The following VTI1A variants were observed in gnomAD, a reference collection of about 807,000 sequenced individuals.
The protein encoded by VTI1A is vesicle transport through interaction with t-SNAREs 1A, also known as vesicle transport through interaction with t-SNAREs homolog 1A.
A neutral mutation model predicts 34.9 loss-of-function variants in VTI1A; 22 were observed. The ratio of observed to expected loss-of-function variants is 0.63; its 90% CI spans 0.45 to 0.90. The LOEUF (loss-of-function observed/expected upper bound fraction) is 0.90. Among genes scored for constraint, VTI1A ranks in the 40% least tolerant of loss-of-function variants. The pLI is 0.00. For synonymous variants in VTI1A, 87 were observed against 97.3 expected (o/e 0.89, Z 0.62); for missense variants, 268 against 275.6 (o/e 0.97, Z 0.20).
intron 7 of VTI1A, among the ~76,000 whole-genome samples, chr10:112,803,410 T>C (rs77723622): frequency 6.6e-6 from 1 of 152,162 alleles, no homozygotes. Context: ...GTTGGGCTCA[T>C]TAAGAGGTGG....
intron 5 of VTI1A, among the ~76,000 whole-genome samples, chr10:112,627,651 A>G (rs887680250): frequency 4.6e-5 from 7 of 152,156 alleles, no homozygotes; most frequent in Non-Finnish European, 8.8e-5. Context: ...ATGCACACAT[A>G]CATGTGCATA....
chr10:112,616,684 A>T (rs562082449), intron 5 of VTI1A, among the ~76,000 whole-genome samples: 27 of 152,302 alleles, frequency 1.8e-4, no homozygotes, highest in African/African-American at 5.1e-4. Flanking sequence ...ATATACAGAA[A>T]ACTAAAGTGG....
intron 7 of VTI1A, among the ~76,000 whole-genome samples, chr10:112,711,908 A>G (rs144795994): frequency 1.2e-3 from 181 of 152,232 alleles, no homozygotes; most frequent in African/African-American, 4.2e-3. Context: ...GTCCCACTTT[A>G]TCTTAATCTG....
chr10:112,598,605 CG>C (rs1564842900), intron 5 of VTI1A, among the ~76,000 whole-genome samples: 1 of 152,172 alleles, frequency 6.6e-6, no homozygotes, highest in East Asian at 1.9e-4. Flanking sequence ...TCATTAGTGG[CG>C]TTCCCTACCT....
intron 3 of VTI1A, among the ~76,000 whole-genome samples, chr10:112,490,942 C>G (rs1848799402): frequency 1.3e-5 from 2 of 152,076 alleles, no homozygotes; most frequent in South Asian, 2.1e-4. Context: ...TGTGTTTCAA[C>G]CCCCCTGCCC....
At chr10:112,820,009 T>C (rs1372667212), downstream of VTI1A, among the ~76,000 whole-genome samples, 1 of 152,132 alleles carries the variant, frequency 6.6e-6, no homozygotes, top group Non-Finnish European at 1.5e-5. Context: ...GTAGCATCTC[T>C]CAGCATCACC....
intron 5 of VTI1A, among the ~76,000 whole-genome samples, chr10:112,647,756 A>T (rs1316414583): frequency 6.6e-6 from 1 of 152,056 alleles, no homozygotes; most frequent in Non-Finnish European, 1.5e-5. Context: ...TGCATTTTTT[A>T]AATTTATTTT....
Position 112,785,015 on chromosome 10 carries a change from G to A in VTI1A, c.561-30275G>A, listed in dbSNP as rs147535678. On this transcript the variant is annotated intron_variant, in intron 7 of 7. Coordinates refer to ENST00000393077, the MANE Select transcript of VTI1A (RefSeq NM_145206.4). ...ACATCATGGCAAAACTCAAGATGTA[G>A]GCAGATCCCTTGGCCCCCGTTGGCT... Among the ~76,000 whole-genome samples, 245 of 152,334 alleles carry A rather than the reference G, an allele frequency of 1.6e-3. 3 individuals carry two copies. Among genetic ancestry groups the A allele is most frequent in the African/African-American group, 5.8e-3 (241 of 41,592 alleles).
At chr10:112,628,349 C>T (rs1846000753) in intron 5 of VTI1A, among the ~76,000 whole-genome samples, 2 of 152,022 alleles carry the variant, frequency 1.3e-5, no homozygotes, top group Admixed American at 1.3e-4. Context: ...TGTTGCAAAA[C>T]GAGGTTATTG....
At chr10:112,842,051 C>CTTTTTTTTTTTTTTTTTTTTTTTTTTTT in the VTI1A span, among the ~76,000 whole-genome samples, 1 of 66,648 alleles carries the variant, frequency 1.5e-5, no homozygotes, top group Non-Finnish European at 2.8e-5. Context: ...TTTTTTTTTC[C>CTTTTTTTTTTTTTTTTTTTTTTTTTTTT]TTTTTTTTTT....
chr10:112,679,989 T>G (rs1403559346), intron 7 of VTI1A, among the ~76,000 whole-genome samples: 3 of 152,114 alleles, frequency 2.0e-5, no homozygotes, highest in African/African-American at 7.2e-5. Flanking sequence ...CCATTACATT[T>G]CCTTAAAAGG....
chr10:112,845,430 T>TC, the VTI1A span, among the ~76,000 whole-genome samples: 1 of 152,204 alleles, frequency 6.6e-6, no homozygotes, highest in Non-Finnish European at 1.5e-5. Flanking sequence ...GTTCTCTGGT[T>TC]CCCGAATTCC....
At chr10:112,535,125 C>T (rs931083312) in intron 4 of VTI1A, among the ~76,000 whole-genome samples, 1 of 152,016 alleles carries the variant, frequency 6.6e-6, no homozygotes, top group African/African-American at 2.4e-5. Flanking sequence ...TGGCTTATTT[C>T]TTTTCTTATG....
At chr10:112,478,550 C>T (rs1848357232) in intron 3 of VTI1A, among the ~76,000 whole-genome samples, 1 of 152,166 alleles carries the variant, frequency 6.6e-6, no homozygotes, top group South Asian at 2.1e-4. Flanking sequence ...TGGGAGCGTA[C>T]ACAAAGGATT....
At chr10:112,485,094 A>C (rs566845777) in intron 3 of VTI1A, 1 of 152,012 alleles carries the variant, frequency 6.6e-6, no homozygotes, top group African/African-American at 2.4e-5. Context: ...CAGCCTGGCC[A>C]CCATGGTGAA....
At chr10:112,533,671 G>A (rs1490145947) in intron 4 of VTI1A, 8 of 491,150 alleles carry the variant, frequency 1.6e-5, no homozygotes, top group Non-Finnish European at 2.1e-5. Context: ...ATAGCAAAAA[G>A]TATCATTTAT....
At chr10:112,486,478 T>A (rs944282918) in intron 3 of VTI1A, among the ~76,000 whole-genome samples, 7 of 152,142 alleles carry the variant, frequency 4.6e-5, no homozygotes, top group Non-Finnish European at 7.4e-5. Flanking sequence ...AGTGCCCTTA[T>A]GTGGTACATC....
chr10:112,706,781 C>A (rs558438808), intron 7 of VTI1A, among the ~76,000 whole-genome samples: 9 of 152,252 alleles, frequency 5.9e-5, no homozygotes, highest in Non-Finnish European at 8.8e-5. Context: ...TTTCAGGATG[C>A]CCTGACCTCA....
chr10:112,494,421 C>G (rs976719186), intron 3 of VTI1A, among the ~76,000 whole-genome samples: 2 of 151,830 alleles, frequency 1.3e-5, no homozygotes, highest in Non-Finnish European at 2.9e-5. Flanking sequence ...CTACCTACTC[C>G]AGGTTTCATT....
Sources: gnomAD v4.1 joint callset for allele counts (sites outside exome capture counted in the v4.1 genomes callset) on GRCh38, gnomAD v4.1.1 for gene constraint, MANE v1.5 for transcripts, NCBI Gene and HGNC (gene_info 2026-07-23, HGNC 2026-07-21) for gene names.